Variants in INPP4B observed in about 807,000 individuals in gnomAD.
INPP4B encodes the protein inositol polyphosphate-4-phosphatase type II B.
Under a neutral mutation model 122.5 loss-of-function variants are expected in INPP4B, and 55 were observed. The observed-to-expected ratio is 0.45, with a 90% CI of 0.36 to 0.56. INPP4B has a LOEUF of 0.56. INPP4B is among the 20% of genes least tolerant of loss of function. INPP4B has a pLI of 0.00. For missense variants in INPP4B, 1,000 were observed against 1,097.7 expected, an observed-to-expected ratio of 0.91 and a Z score of 1.26; for synonymous variants, 403 against 388.7, an observed-to-expected ratio of 1.04 and a Z score of -0.43.
At chr4:142,243,286 T>C (rs908655422) in intron 11 of INPP4B, among the ~76,000 whole-genome samples, 9 of 152,220 alleles carry the variant, frequency 5.9e-5, no homozygotes, top group African/African-American at 1.4e-4. Context: ...TTAGGAAAGA[T>C]AGTTGAAGCA....
chr4:142,144,515 C>T (rs1358818177), intron 18 of INPP4B, among the ~76,000 whole-genome samples: 1 of 151,942 alleles, frequency 6.6e-6, no homozygotes, highest in East Asian at 1.9e-4. Context: ...TTGAAGTATG[C>T]TATTTCTTCA....
chr4:142,330,133 T>C (rs1336070406), intron 7 of INPP4B, among the ~76,000 whole-genome samples: 1 of 152,198 alleles, frequency 6.6e-6, no homozygotes, highest in Admixed American at 6.5e-5. Context: ...ATATCTTCAT[T>C]GTTACTTATC....
chr4:142,117,678 T>C (rs777158827), intron 21 of INPP4B, among the ~76,000 whole-genome samples: 2 of 152,138 alleles, frequency 1.3e-5, no homozygotes, highest in Non-Finnish European at 2.9e-5. Context: ...TAATAAGATC[T>C]ATCTATGACA....
chr4:142,739,937 T>A (rs1029798886), intron 1 of INPP4B, among the ~76,000 whole-genome samples: 16 of 152,018 alleles, frequency 1.1e-4, no homozygotes, highest in Non-Finnish European at 4.4e-5. Context: ...GAAGAACAAT[T>A]TTCCCATTTT....
chr4:142,522,186 T>C (rs1267543159), intron 2 of INPP4B, among the ~76,000 whole-genome samples: 1 of 152,138 alleles, frequency 6.6e-6, no homozygotes, highest in African/African-American at 2.4e-5. Flanking sequence ...GGTTTTTATG[T>C]TTATCAATTT....
At chr4:142,128,234 A>G in intron 18 of INPP4B, among the ~76,000 whole-genome samples, 1 of 151,880 alleles carries the variant, frequency 6.6e-6, no homozygotes, top group Non-Finnish European at 1.5e-5. Context: ...ATGTATATAC[A>G]CATATATATA....
intron 2 of INPP4B, among the ~76,000 whole-genome samples, chr4:142,483,919 G>A (rs912998031): frequency 6.6e-6 from 1 of 152,002 alleles, no homozygotes; most frequent in Non-Finnish European, 1.5e-5. Context: ...CCTGGTGGAT[G>A]TTGGTGAGAG....
At chr4:142,116,915 C>T (rs185784864) in intron 21 of INPP4B, among the ~76,000 whole-genome samples, 6 of 151,632 alleles carry the variant, frequency 4.0e-5, no homozygotes, top group East Asian at 3.9e-4. Flanking sequence ...AGACCGGTAG[C>T]GAAACTAATA....
chr4:142,248,849 A>G (rs1041345846), intron 11 of INPP4B, among the ~76,000 whole-genome samples: 2 of 152,080 alleles, frequency 1.3e-5, no homozygotes, highest in African/African-American at 4.8e-5. Flanking sequence ...AACTGATTGG[A>G]GATTTCTAGA....
intron 11 of INPP4B, among the ~76,000 whole-genome samples, chr4:142,245,663 A>C (rs1727641906): frequency 1.3e-5 from 2 of 151,774 alleles, no homozygotes; most frequent in African/African-American, 2.4e-5. Context: ...AAGGAATGGT[A>C]CCTGCTCCTC....
At chr4:142,400,405 T>G (rs1337420030) in intron 7 of INPP4B, among the ~76,000 whole-genome samples, 1 of 152,174 alleles carries the variant, frequency 6.6e-6, no homozygotes, top group Non-Finnish European at 1.5e-5. Context: ...TCATCTCTTA[T>G]GCCTTTAGAA....
chr4:142,484,281 A>G (rs1820937700), intron 2 of INPP4B, among the ~76,000 whole-genome samples: 1 of 152,160 alleles, frequency 6.6e-6, no homozygotes, highest in Non-Finnish European at 1.5e-5. Flanking sequence ...ATGCTTTGAA[A>G]AAATAAAATT....
intron 2 of INPP4B, among the ~76,000 whole-genome samples, chr4:142,537,423 TATATATAGAGAGAGAGAGAG>T (rs1246575840): frequency 1.3e-4 from 6 of 47,988 alleles, no homozygotes; most frequent in Admixed American, 1.2e-3. Flanking sequence ...TATATATATA[TATATATAGAGAGAGAGAGAG>T]AGAGAGAGAG....
chr4:142,483,182 CTTTTTTTT>C (rs5862604), intron 2 of INPP4B, among the ~76,000 whole-genome samples: 15 of 48,332 alleles, frequency 3.1e-4, no homozygotes, highest in African/African-American at 9.9e-4. Flanking sequence ...TCAGGCTATG[CTTTTTTTT>C]TTTTTTTTTT....
intron 9 of INPP4B, among the ~76,000 whole-genome samples, chr4:142,275,401 A>G (rs1372370243): frequency 2.0e-5 from 3 of 151,868 alleles, no homozygotes; most frequent in African/African-American, 4.8e-5. Flanking sequence ...CTTTGTGAAT[A>G]TAAAGTAGTT....
chr4:142,515,837 G>A (rs1185914328), intron 2 of INPP4B, among the ~76,000 whole-genome samples: 1 of 152,082 alleles, frequency 6.6e-6, no homozygotes, highest in Non-Finnish European at 1.5e-5. Flanking sequence ...ATATTATTAT[G>A]GATGTTTGTT....
chr4:142,272,396 G>T (rs1746297528), intron 9 of INPP4B, among the ~76,000 whole-genome samples: 1 of 151,676 alleles, frequency 6.6e-6, no homozygotes, highest in African/African-American at 2.4e-5. Context: ...ATTTCATAGT[G>T]CAATAAAATA....
chr4:142,602,523 A>G (rs12331834), intron 2 of INPP4B, among the ~76,000 whole-genome samples: 1,743 of 152,244 alleles, frequency 0.011, 30 homozygotes, highest in African/African-American at 0.04. Flanking sequence ...TACAAGAAAA[A>G]CAAACAACCC....
At chr4:142,555,861 ACT>A (rs1204069092) in intron 2 of INPP4B, among the ~76,000 whole-genome samples, 4 of 115,112 alleles carry the variant, frequency 3.5e-5, no homozygotes, top group Non-Finnish European at 7.4e-5. Context: ...ACAGAGCAAG[ACT>A]CTGTCTCAAA....
Sources: gnomAD v4.1 joint callset for allele counts (sites outside exome capture counted in the v4.1 genomes callset) on GRCh38, gnomAD v4.1.1 for gene constraint, MANE v1.5 for transcripts, NCBI Gene and HGNC (gene_info 2026-07-23, HGNC 2026-07-21) for gene names.